ANOS1: variants seen among roughly 807,000 people sequenced by gnomAD.
ANOS1 encodes anosmin-1.
A neutral mutation model predicts 59.0 loss-of-function variants in ANOS1; 6 were observed. The observed-to-expected ratio is 0.10, with a 90% CI of 0.06 to 0.20. ANOS1 has a LOEUF of 0.20. Among genes scored for constraint, ANOS1 ranks in the 10% least tolerant of loss-of-function variants. ANOS1 has a pLI of 1.00. For synonymous variants in ANOS1, 217 were observed against 223.4 expected (o/e 0.97, Z 0.25); for missense variants, 433 against 542.3 (o/e 0.80, Z 2.00).
intron 1 of ANOS1, among the ~76,000 whole-genome samples, chrX:8,722,921 T>A (rs1932885402): frequency 8.9e-6 from 1 of 111,785 alleles, no homozygotes; most frequent in African/African-American, 3.3e-5. Context: ...TGGTACCACA[T>A]CGTGGTTCGA....
chrX:8,689,315 T>C (rs1158443984), intron 2 of ANOS1, among the ~76,000 whole-genome samples: 1 of 110,731 alleles, frequency 9.0e-6, no homozygotes, highest in Non-Finnish European at 1.9e-5. Flanking sequence ...CACTTTAATG[T>C]CCTTCTAGAG....
chrX:8,598,597 TC>T lies in ANOS1; in HGVS notation c.319-1342del, dbSNP rs756153494. Among the ~76,000 whole-genome samples the T allele has an allele frequency of 8.2e-3, 907 of 111,019 alleles. 17 individuals are homozygous for T. Among genetic ancestry groups the T allele is most frequent in the African/African-American group, 0.028 (856 of 30,460 alleles). Reference sequence around the variant, plus strand: ...AGCCCCAGCCCTCCACCCAGCCCTATCCCTAACCCTCTTTTTGCTTTATAGA... The same window carrying T: ...AGCCCCAGCCCTCCACCCAGCCCTATCCTAACCCTCTTTTTGCTTTATAGA... On this transcript the variant is annotated intron_variant, in intron 3 of 13. Coordinates refer to ENST00000262648, the MANE Select transcript of ANOS1 (RefSeq NM_000216.4).
intron 6 of ANOS1, among the ~76,000 whole-genome samples, chrX:8,576,487 C>T (rs753596293): frequency 4.0e-5 from 4 of 100,087 alleles, no homozygotes; most frequent in African/African-American, 1.8e-4. Flanking sequence ...CACACACACA[C>T]ACATACACAC....
intron 2 of ANOS1, among the ~76,000 whole-genome samples, chrX:8,639,930 G>A (rs1440595701): frequency 3.6e-5 from 4 of 110,553 alleles, no homozygotes; most frequent in African/African-American, 9.8e-5. Flanking sequence ...TGCCTCCACC[G>A]CATCCCCACC....
intron 1 of ANOS1, among the ~76,000 whole-genome samples, chrX:8,714,098 T>A (rs759298476): frequency 8.9e-6 from 1 of 112,139 alleles, no homozygotes; most frequent in Non-Finnish European, 1.9e-5. Context: ...GGTAACAACA[T>A]TCAGGGCGGT....
intron 2 of ANOS1, among the ~76,000 whole-genome samples, chrX:8,682,620 T>C (rs1053924124): frequency 1.8e-5 from 2 of 111,134 alleles, no homozygotes; most frequent in African/African-American, 6.6e-5. Context: ...AGAGAGGCCA[T>C]AATGTGCTGA....
chrX:8,567,878 T>C (rs748157028), intron 8 of ANOS1, among the ~76,000 whole-genome samples: 74 of 112,311 alleles, frequency 6.6e-4, no homozygotes, highest in African/African-American at 2.3e-3. Flanking sequence ...CATCAAGTTA[T>C]AACAGTTTAA....
At chrX:8,623,030 T>TGGATGATGGATGGATGGATG (rs781227288) in intron 3 of ANOS1, among the ~76,000 whole-genome samples, 1 of 102,389 alleles carries the variant, frequency 9.8e-6, no homozygotes, top group Non-Finnish European at 2.0e-5. Context: ...GATGGATGGA[T>TGGATGATGGATGGATGGATG]GATGGATGGA....
At chrX:8,675,184 C>T (rs982717296) in intron 2 of ANOS1, among the ~76,000 whole-genome samples, 1 of 111,710 alleles carries the variant, frequency 9.0e-6, no homozygotes, top group African/African-American at 3.3e-5. Context: ...TTTGGCACCT[C>T]TCAACTAGCA....
chrX:8,679,451 T>C (rs1932386183), intron 2 of ANOS1, among the ~76,000 whole-genome samples: 2 of 109,958 alleles, frequency 1.8e-5, no homozygotes, highest in African/African-American at 3.3e-5. Context: ...TAAGTAGGCA[T>C]ATTGAGATCC....
chrX:8,544,718 C>G (rs1245547022), intron 9 of ANOS1, among the ~76,000 whole-genome samples: 1 of 109,402 alleles, frequency 9.1e-6, no homozygotes, highest in Non-Finnish European at 1.9e-5. Context: ...GAGTTTGAGA[C>G]CATCCTGGGC....
At chrX:8,708,227 A>T (rs1043790776) in intron 1 of ANOS1, among the ~76,000 whole-genome samples, 1 of 111,494 alleles carries the variant, frequency 9.0e-6, no homozygotes, top group Non-Finnish European at 1.9e-5. Flanking sequence ...ATGCCTCAAA[A>T]CAAAAACAAA....
intron 1 of ANOS1, among the ~76,000 whole-genome samples, chrX:8,710,736 GA>G (rs201722574): frequency 0.019 from 2,157 of 112,161 alleles, 61 homozygotes; most frequent in African/African-American, 0.067. Context: ...CCATTCAAGG[GA>G]AAAGGGGTGA....
At chrX:8,656,375 C>A (rs1418631803) in intron 2 of ANOS1, among the ~76,000 whole-genome samples, 1 of 111,695 alleles carries the variant, frequency 9.0e-6, no homozygotes, top group East Asian at 2.8e-4. Context: ...GTTTTCTTGT[C>A]AATACCATGG....
At chrX:8,574,902 T>G (rs1176485466) in intron 6 of ANOS1, among the ~76,000 whole-genome samples, 1 of 111,605 alleles carries the variant, frequency 9.0e-6, no homozygotes, top group Non-Finnish European at 1.9e-5. Context: ...ACTGACTTAT[T>G]AGGTACCTTG....
chrX:8,668,544 TGA>T (rs1315312821), intron 2 of ANOS1, among the ~76,000 whole-genome samples: 5 of 93,331 alleles, frequency 5.4e-5, no homozygotes, highest in African/African-American at 7.9e-5. Flanking sequence ...TATATATATA[TGA>T]TGGAATACCA....
At chrX:8,569,118 A>G (rs1930173006) in intron 7 of ANOS1, among the ~76,000 whole-genome samples, 1 of 112,063 alleles carries the variant, frequency 8.9e-6, no homozygotes, top group Non-Finnish European at 1.9e-5. Context: ...CAAAAGAAAA[A>G]TTAACTTGAC....
chrX:8,634,602 T>C (rs1423949833), intron 2 of ANOS1, among the ~76,000 whole-genome samples: 1 of 112,147 alleles, frequency 8.9e-6, no homozygotes, highest in Non-Finnish European at 1.9e-5. Flanking sequence ...TATAAATCTT[T>C]GACAGAGAGC....
Position 8,605,283 on chromosome X carries a change from C to T in ANOS1, c.319-8027G>A, listed in dbSNP as rs147877201. On this transcript the variant is annotated intron_variant, in intron 3 of 13. Transcript: ENST00000262648. Reference sequence around the variant, plus strand: ...AAAACTTCACTCCCAAAAAACACAGCGAGATGAACAGAACATGAATTCAAT... The same window carrying T: ...AAAACTTCACTCCCAAAAAACACAGTGAGATGAACAGAACATGAATTCAAT... Among the ~76,000 whole-genome samples, 913 of 109,585 alleles carry T rather than the reference C, an allele frequency of 8.3e-3. 17 individuals are homozygous for T. Among genetic ancestry groups the T allele is most frequent in the African/African-American group, 0.029 (860 of 30,064 alleles).
Sources: allele counts gnomAD v4.1 joint callset (sites outside exome capture counted in the v4.1 genomes callset), GRCh38; gene constraint gnomAD v4.1.1; transcripts MANE v1.5; gene names NCBI Gene and HGNC (gene_info 2026-07-23, HGNC 2026-07-21).